Variants in NRXN3 observed in about 807,000 individuals in gnomAD.
The protein encoded by NRXN3 is neurexin III.
A neutral mutation model predicts 137.6 loss-of-function variants in NRXN3; 32 were observed. The ratio of observed to expected loss-of-function variants is 0.23; its 90% CI spans 0.18 to 0.31. The LOEUF (loss-of-function observed/expected upper bound fraction) is 0.31, where lower values mean the gene tolerates loss of function less well. Among genes scored for constraint, NRXN3 ranks in the 10% least tolerant of loss-of-function variants. The probability of loss-of-function intolerance (pLI) is 1.00; values close to 1 mark genes in which losing one functional copy is unlikely to be tolerated. For missense variants in NRXN3, 1,574 were observed against 2,062.5 expected (o/e 0.76, Z 4.59); for synonymous variants, 798 against 784.5 (o/e 1.02, Z -0.29).
chr14:78,944,172 C>T (rs1056653964), intron 10 of NRXN3, among the ~76,000 whole-genome samples: 1 of 152,086 alleles, frequency 6.6e-6, no homozygotes, highest in African/African-American at 2.4e-5. Flanking sequence ...TTCTGGTATG[C>T]AGACCAAAAT....
chr14:78,725,022 C>T (rs2098476765), intron 8 of NRXN3, among the ~76,000 whole-genome samples: 1 of 152,180 alleles, frequency 6.6e-6, no homozygotes, highest in South Asian at 2.1e-4. Context: ...TGCTTCTTAG[C>T]ATGTTTAACC....
intron 15 of NRXN3, among the ~76,000 whole-genome samples, chr14:79,017,402 T>C (rs2152425584): frequency 6.6e-6 from 1 of 151,716 alleles, no homozygotes; most frequent in Admixed American, 6.6e-5. Flanking sequence ...TCCCTCATAG[T>C]TTTTCATCTC....
At chr14:78,560,848 A>G (rs971766579) in intron 4 of NRXN3, among the ~76,000 whole-genome samples, 1 of 152,180 alleles carries the variant, frequency 6.6e-6, no homozygotes, top group African/African-American at 2.4e-5. Flanking sequence ...CTATTTCCTG[A>G]GCTACTCTGA....
At position 78,565,825 on chromosome 14, in the gene NRXN3, G is replaced by A. The variant is rs558281539; in HGVS notation, c.758-79295G>A. Among the ~76,000 whole-genome samples, 5 of 152,240 alleles carry A rather than the reference G, an allele frequency of 3.3e-5. No individual in the cohort carries two copies. In the South Asian group the frequency reaches 1.0e-3, roughly 32 times the overall value. On this transcript the variant is annotated intron_variant, in intron 4 of 20. Coordinates refer to ENST00000335750, the MANE Select transcript of NRXN3 (RefSeq NM_001330195.2). Reference sequence around the variant, plus strand: ...AGGCATTGGGGATTCATCATGGCTGGAATTCTGGTTCTCAGATAGATGAAA... The same window carrying A: ...AGGCATTGGGGATTCATCATGGCTGAAATTCTGGTTCTCAGATAGATGAAA...
intron 16 of NRXN3, among the ~76,000 whole-genome samples, chr14:79,566,383 C>T (rs547973331): frequency 1.3e-5 from 2 of 152,182 alleles, no homozygotes; most frequent in Admixed American, 6.6e-5. Flanking sequence ...CCTCACCTCT[C>T]TCCTTGACCA....
intron 15 of NRXN3, among the ~76,000 whole-genome samples, chr14:79,357,455 T>A (rs890883334): frequency 1.3e-5 from 2 of 152,192 alleles, no homozygotes; most frequent in African/African-American, 2.4e-5. Context: ...TGGCCAATCA[T>A]TTAAGTTTTC....
At chr14:79,543,620 G>A (rs937680374) in intron 16 of NRXN3, among the ~76,000 whole-genome samples, 8 of 152,206 alleles carry the variant, frequency 5.3e-5, no homozygotes, top group Non-Finnish European at 7.3e-5. Context: ...GCACAGGCCA[G>A]CTGAGACCTT....
In NRXN3 at chr14:78,489,496, T is replaced by C. The variant is rs575583447; in HGVS notation, c.758-155624T>C. Among the ~76,000 whole-genome samples the C allele has an allele frequency of 8.5e-5, 13 of 152,250 alleles. No individual in the cohort carries two copies. In the East Asian group the frequency reaches 2.5e-3, roughly 29 times the overall value. ...CAGCTAGGGACGCACACACAGAGGA[T>C]ATTTTCACTGATTCCTCTCTGTGGG... On this transcript the variant is annotated intron_variant, in intron 4 of 20. Transcript: ENST00000335750.
chr14:79,586,645 T>C (rs1043833095), intron 16 of NRXN3, among the ~76,000 whole-genome samples: 5 of 152,108 alleles, frequency 3.3e-5, no homozygotes, highest in Non-Finnish European at 7.4e-5. Context: ...CTAAAGCACA[T>C]CTTGATTGTA....
At chr14:78,479,849 A>G (rs1460093311) in intron 4 of NRXN3, among the ~76,000 whole-genome samples, 1 of 152,158 alleles carries the variant, frequency 6.6e-6, no homozygotes, top group Non-Finnish European at 1.5e-5. Context: ...CAGTAGTCAA[A>G]TTTGGGGAAA....
intron 20 of NRXN3, among the ~76,000 whole-genome samples, chr14:79,818,060 T>G (rs965693263): frequency 7.0e-6 from 1 of 142,050 alleles, no homozygotes; most frequent in Non-Finnish European, 1.5e-5. Flanking sequence ...TTTTTTTTTT[T>G]TTTTTTTTTT....
At chr14:79,408,478 A>G (rs947793643) in intron 15 of NRXN3, among the ~76,000 whole-genome samples, 1 of 152,118 alleles carries the variant, frequency 6.6e-6, no homozygotes, top group Non-Finnish European at 1.5e-5. Context: ...TGCTCTGTGA[A>G]TTTGTAGTCT....
At chr14:78,728,120 G>T (rs916331136) in intron 8 of NRXN3, among the ~76,000 whole-genome samples, 1 of 152,206 alleles carries the variant, frequency 6.6e-6, no homozygotes, top group African/African-American at 2.4e-5. Flanking sequence ...CTATTCTAAA[G>T]CAATTTCAGA....
intron 19 of NRXN3, among the ~76,000 whole-genome samples, chr14:79,722,875 T>C (rs2098850050): frequency 6.6e-6 from 1 of 152,138 alleles, no homozygotes; most frequent in South Asian, 2.1e-4. Flanking sequence ...TAAAAAGATA[T>C]ATGGAGTGTA....
intron 15 of NRXN3, among the ~76,000 whole-genome samples, chr14:79,180,688 T>C (rs1360932098): frequency 3.3e-5 from 5 of 152,166 alleles, no homozygotes; most frequent in South Asian, 4.1e-4. Context: ...ACAGCAGATA[T>C]CATAAGGTAC....
At chr14:79,821,162 A>C (rs1411690660) in intron 20 of NRXN3, among the ~76,000 whole-genome samples, 1 of 152,230 alleles carries the variant, frequency 6.6e-6, no homozygotes, top group Middle Eastern at 3.2e-3. Flanking sequence ...GAACAAGAGG[A>C]AAACAAGGGT....
intron 15 of NRXN3, among the ~76,000 whole-genome samples, chr14:79,219,890 A>G (rs1040259570): frequency 6.6e-6 from 1 of 152,220 alleles, no homozygotes; most frequent in Non-Finnish European, 1.5e-5. Flanking sequence ...TGCAAAAGCA[A>G]GATAAACACT....
At chr14:78,578,453 G>A (rs938945467) in intron 4 of NRXN3, among the ~76,000 whole-genome samples, 1 of 152,194 alleles carries the variant, frequency 6.6e-6, no homozygotes, top group African/African-American at 2.4e-5. Context: ...ATCAACATCT[G>A]TCTATAGGAA....
intron 15 of NRXN3, among the ~76,000 whole-genome samples, chr14:79,112,077 T>G (rs1298674333): frequency 6.6e-6 from 1 of 152,238 alleles, no homozygotes; most frequent in Non-Finnish European, 1.5e-5. Context: ...ATCATTTAAT[T>G]ATGGTATTCT....
Sources: gnomAD v4.1 joint callset for allele counts (sites outside exome capture counted in the v4.1 genomes callset) on GRCh38, gnomAD v4.1.1 for gene constraint, MANE v1.5 for transcripts, NCBI Gene and HGNC (gene_info 2026-07-23, HGNC 2026-07-21) for gene names.